The following SKIC8 variants were observed in gnomAD, a reference collection of about 807,000 sequenced individuals.
SKIC8 encodes the protein superkiller complex protein 8.
the SKIC8 span, chr15:78,285,254 GC>G: frequency 6.2e-7 from 1 of 1,613,300 alleles, no homozygotes. Flanking sequence ...AAATAATAAT[GC>G]CATACCTGAT....
chr15:78,288,914 C>A, the SKIC8 span: 1 of 452,660 alleles, frequency 2.2e-6, no homozygotes, highest in Admixed American at 2.4e-5. Context: ...ATACTTTCAT[C>A]CACCTTCAAA....
At chr15:78,293,302 T>C in the SKIC8 span, 1 of 1,587,654 alleles carries the variant, frequency 6.3e-7, no homozygotes, top group Non-Finnish European at 8.6e-7. Flanking sequence ...ATTTATAAAG[T>C]CTTCTTGCAT....
chr15:78,293,084 T>C, the SKIC8 span: 1 of 1,247,888 alleles, frequency 8.0e-7, no homozygotes, highest in Non-Finnish European at 1.1e-6. Flanking sequence ...AAAAAGTATT[T>C]CCCGGACTGC....
the SKIC8 span, among the ~76,000 whole-genome samples, chr15:78,293,732 T>C: frequency 6.6e-6 from 1 of 152,222 alleles, no homozygotes. Flanking sequence ...AGCCTCCATA[T>C]ATTAAGTTGC....
chr15:78,296,461 A>G, the SKIC8 span, among the ~76,000 whole-genome samples: 1 of 151,970 alleles, frequency 6.6e-6, no homozygotes, highest in Non-Finnish European at 1.5e-5. Context: ...CTCAGGCTAC[A>G]TTAAGGGCTA....
the SKIC8 span, among the ~76,000 whole-genome samples, chr15:78,287,690 G>T: frequency 6.6e-6 from 1 of 152,182 alleles, no homozygotes; most frequent in Non-Finnish European, 1.5e-5. Flanking sequence ...CCTCAGTGGG[G>T]AATAGGAGTC....
At chr15:78,293,441 G>C in the SKIC8 span, 1 of 604,060 alleles carries the variant, frequency 1.7e-6, no homozygotes, top group African/African-American at 1.9e-5. Context: ...TATGAAAATT[G>C]GAGGTTCTGA....
the SKIC8 span, chr15:78,286,217 G>T: frequency 8.2e-7 from 1 of 1,213,944 alleles, no homozygotes; most frequent in East Asian, 2.5e-5. Context: ...TATTAACTCT[G>T]CCAATAAGCT....
the SKIC8 span, chr15:78,289,586 C>G: frequency 1.3e-6 from 2 of 1,484,044 alleles, no homozygotes; most frequent in East Asian, 4.5e-5. Flanking sequence ...GATTTGATAA[C>G]CCAGTTTGTC....
the SKIC8 span, among the ~76,000 whole-genome samples, chr15:78,298,256 C>A: frequency 2.6e-5 from 4 of 152,310 alleles, no homozygotes; most frequent in East Asian, 7.7e-4. Flanking sequence ...GGAAGGCTTG[C>A]GGTAAGCCAG....
chr15:78,283,718 C>T, the SKIC8 span: 1 of 461,846 alleles, frequency 2.2e-6, no homozygotes, highest in Non-Finnish European at 3.8e-6. Context: ...ATTCCTGCCC[C>T]TTCCCATACT....
chr15:78,295,713 AG>A, the SKIC8 span: 4 of 1,541,498 alleles, frequency 2.6e-6, no homozygotes, highest in Non-Finnish European at 3.5e-6. Flanking sequence ...CAAGGACAAA[AG>A]GCCAGACAGC....
At chr15:78,293,352 G>C in the SKIC8 span, 1 of 1,304,200 alleles carries the variant, frequency 7.7e-7, no homozygotes, top group African/African-American at 1.5e-5. Context: ...ACAATTGTGA[G>C]GTAACATTTA....
chr15:78,285,114 A>C, the SKIC8 span: 4 of 695,266 alleles, frequency 5.8e-6, no homozygotes, highest in African/African-American at 1.8e-5. Flanking sequence ...AACTCTGGCT[A>C]CATGGATGAC....
chr15:78,295,069 CCA>C, the SKIC8 span: 2 of 1,443,680 alleles, frequency 1.4e-6, no homozygotes, highest in Non-Finnish European at 1.9e-6. Context: ...GACAGAGTCA[CCA>C]CAGTGTTAGT....
At chr15:78,299,229 GA>G in the SKIC8 span, among the ~76,000 whole-genome samples, 1 of 152,136 alleles carries the variant, frequency 6.6e-6, no homozygotes, top group African/African-American at 2.4e-5. Context: ...CCCACTACTG[GA>G]AAACTTCGGT....
the SKIC8 span, chr15:78,288,900 C>G: frequency 2.2e-6 from 1 of 453,000 alleles, no homozygotes; most frequent in East Asian, 7.0e-5. Context: ...GGACAGTGGG[C>G]ACAATACTTT....
the SKIC8 span, chr15:78,286,892 A>G: frequency 6.6e-6 from 1 of 152,160 alleles, no homozygotes; most frequent in East Asian, 1.9e-4. Flanking sequence ...GGAAGGGATG[A>G]TTTGGTAGAG....
At chr15:78,295,485 C>T in the SKIC8 span, 2 of 711,548 alleles carry the variant, frequency 2.8e-6, no homozygotes, top group Admixed American at 4.0e-5. Context: ...TGAACCAATC[C>T]TCCTCTCAGT....
Sources: gnomAD v4.1 joint callset for allele counts (sites outside exome capture counted in the v4.1 genomes callset) on GRCh38, gnomAD v4.1.1 for gene constraint, MANE v1.5 for transcripts, NCBI Gene and HGNC (gene_info 2026-07-23, HGNC 2026-07-21) for gene names.